Variants in VAV2 observed in about 807,000 individuals in gnomAD.
The protein encoded by VAV2 is vav guanine nucleotide exchange factor 2.
Under a neutral mutation model 132.5 loss-of-function variants are expected in VAV2, and 67 were observed. That is an observed-to-expected ratio of 0.51 (90% CI 0.42 to 0.62). The LOEUF is 0.62. Among genes scored for constraint, VAV2 ranks in the 20% least tolerant of loss-of-function variants. The pLI is 0.00. For synonymous variants in VAV2, 492 were observed against 443.5 expected (o/e 1.11, Z -1.37); for missense variants, 938 against 1,153.6 (o/e 0.81, Z 2.71).
intron 3 of VAV2, 136 bp downstream of exon 3, chr9:133,861,238 G>T: frequency 1.0e-6 from 1 of 975,878 alleles, no homozygotes; most frequent in Non-Finnish European, 1.4e-6. Flanking sequence ...CGGGTTACGC[G>T]ACAACACGCT....
chr9:133,968,852 G>C (rs962669469), intron 1 of VAV2, among the ~76,000 whole-genome samples: 8 of 152,148 alleles, frequency 5.3e-5, no homozygotes, highest in Non-Finnish European at 1.0e-4. Flanking sequence ...AGCGGCTCGC[G>C]ACAGCACAGC....
Position 133,788,538 on chromosome 9 carries a change from C to A in VAV2, c.1275-52G>T. 6.3e-7 allele frequency: 1 copy of A among 1,574,996 alleles called. No homozygotes were observed. The highest frequency in any genetic ancestry group is 8.7e-7 in the Non-Finnish European group (1 of 1,150,656). On this transcript the variant is annotated intron_variant, in intron 14 of 29. Coordinates refer to ENST00000371850, the MANE Select transcript of VAV2 (RefSeq NM_001134398.2). The surrounding 1 kb of genome is among the most constrained non-coding windows in gnomAD (Gnocchi z 5.3). ...CAGCACCCCAGCACTGTGTGCTCTGCTCCGAGGAGGCGGCAGGAGCTGAGC... is the reference window on the plus strand; with the variant it reads ...CAGCACCCCAGCACTGTGTGCTCTGATCCGAGGAGGCGGCAGGAGCTGAGC...
At chr9:133,970,030 A>G (rs747175994) in intron 1 of VAV2, among the ~76,000 whole-genome samples, 11 of 151,440 alleles carry the variant, frequency 7.3e-5, no homozygotes, top group Non-Finnish European at 1.5e-4. Flanking sequence ...GGTGGTCTGC[A>G]CCCCCTGGCC....
intron 2 of VAV2, among the ~76,000 whole-genome samples, chr9:133,903,080 A>C (rs1260193005): frequency 1.4e-5 from 2 of 145,608 alleles, no homozygotes; most frequent in African/African-American, 5.0e-5. Context: ...TGCCCCAGGA[A>C]AAAAAAAAAA....
intron 1 of VAV2, among the ~76,000 whole-genome samples, chr9:133,981,382 G>A (rs570129084): frequency 6.6e-5 from 10 of 152,364 alleles, no homozygotes; most frequent in African/African-American, 2.4e-4. Context: ...GCGGCGAGAG[G>A]GGAGGGGAAG....
At chr9:133,791,088 G>C (rs190630102) in intron 13 of VAV2, among the ~76,000 whole-genome samples, 131 of 152,334 alleles carry the variant, frequency 8.6e-4, no homozygotes, top group African/African-American at 3.1e-3. Context: ...TCCAGCCCCA[G>C]ACGTCAGCAG....
At chr9:133,854,182 G>A (rs567385817) in intron 3 of VAV2, among the ~76,000 whole-genome samples, 1 of 147,612 alleles carries the variant, frequency 6.8e-6, no homozygotes, top group South Asian at 2.2e-4. Context: ...CACACCCCAT[G>A]TACCTGCACA....
At chr9:133,981,767 T>A (rs1316936073) in intron 1 of VAV2, among the ~76,000 whole-genome samples, 1 of 152,134 alleles carries the variant, frequency 6.6e-6, no homozygotes, top group Non-Finnish European at 1.5e-5. Context: ...TCATCGTGTT[T>A]CCAAGCATTT....
At chr9:133,786,343 AGCTCTCCTGTGGGTGCTCTCCTGTGTGT>A (rs56909439) in intron 16 of VAV2, among the ~76,000 whole-genome samples, 22,692 of 151,924 alleles carry the variant, frequency 0.15, 1,811 homozygotes, top group African/African-American at 0.19. Context: ...ATGCTGTGTG[AGCTCTCCTGTGGGTGCTCTCCTGTGTGT>A]GCTCTCCTGT....
intron 2 of VAV2, among the ~76,000 whole-genome samples, chr9:133,938,645 G>A (rs58161545): frequency 0.019 from 2,853 of 152,124 alleles, 90 homozygotes; most frequent in African/African-American, 0.064. Flanking sequence ...CGGGGTAACC[G>A]AGATAATCCA....
At chr9:133,968,422 G>C (rs1346826448) in intron 1 of VAV2, among the ~76,000 whole-genome samples, 1 of 152,124 alleles carries the variant, frequency 6.6e-6, no homozygotes, top group Admixed American at 6.6e-5. Context: ...GGTTGTGGGG[G>C]GGAAAAACAC....
In VAV2 at chr9:133,884,783, G is replaced by A. The variant is rs1294890359; in HGVS notation, c.322-23351C>T. ...AGCTTGACGGCTCCGTGAGAATGCTGGTAGGGAGCAGAACCAAACACCCAG... is the reference window on the plus strand; with the variant it reads ...AGCTTGACGGCTCCGTGAGAATGCTAGTAGGGAGCAGAACCAAACACCCAG... On this transcript the variant is annotated intron_variant, in intron 2 of 29. Transcript: ENST00000371850. This position sits in a 1 kb window ranked among gnomAD's most constrained non-coding sequence, Gnocchi z 5.3. Among the ~76,000 whole-genome samples the A allele has an allele frequency of 6.6e-6, 1 of 152,166 alleles. No homozygotes were observed. Among genetic ancestry groups the A allele is most frequent in the African/African-American group, 2.4e-5 (1 of 41,432 alleles).
Position 133,833,317 on chromosome 9 carries a change from C to A in VAV2, c.449+955G>T, listed in dbSNP as rs1036848182. 1.1e-4 allele frequency among the ~76,000 whole-genome samples: 17 copies of A among 152,170 alleles called. No individual in the cohort carries two copies. Among genetic ancestry groups the A allele is most frequent in the Admixed American group, 2.6e-4 (4 of 15,284 alleles). On this transcript the variant is annotated intron_variant, in intron 4 of 29. Transcript: ENST00000371850. The surrounding 1 kb of genome is among the most constrained non-coding windows in gnomAD (Gnocchi z 5.6). ...GGACAGCCCCAGCATACACAGCAGGCACTCCCATACACGCAGCTCCCCCTC... is the reference window on the plus strand; with the variant it reads ...GGACAGCCCCAGCATACACAGCAGGAACTCCCATACACGCAGCTCCCCCTC...
Position 133,764,072 on chromosome 9 carries a change from C to A in VAV2, c.2627G>T (p.Gly876Val). The A allele has an allele frequency of 1.9e-6, 3 of 1,613,962 alleles. No homozygotes were observed. Among genetic ancestry groups the A allele is most frequent in the Non-Finnish European group, 2.5e-6 (3 of 1,179,960 alleles). ...WFPSTYVEEE[G>V]IQ ...TCCACGTTCCTGCCGTCACTGGATGCCCTCCTCTTCTACGTACGTTGAAGG... is the reference window on the plus strand; with the variant it reads ...TCCACGTTCCTGCCGTCACTGGATGACCTCCTCTTCTACGTACGTTGAAGG... Residue 876 changes from glycine (G) to valine (V), a missense_variant, in exon 30 of 30, where the codon GGC becomes GTC. By Grantham distance (109) the Gly-to-Val change is moderately radical. Coordinates refer to ENST00000371850, the MANE Select transcript of VAV2 (RefSeq NM_001134398.2).
Position 133,918,315 on chromosome 9 carries a change from C to T in VAV2, c.321+20788G>A, listed in dbSNP as rs1192791157. Among the ~76,000 whole-genome samples, 4 of 149,354 alleles carry T rather than the reference C, an allele frequency of 2.7e-5. No individual in the cohort carries two copies. Among genetic ancestry groups the T allele is most frequent in the East Asian group, 4.0e-4 (2 of 4,988 alleles). On this transcript the variant is annotated intron_variant, in intron 2 of 29. Coordinates refer to ENST00000371850, the MANE Select transcript of VAV2 (RefSeq NM_001134398.2). This position sits in a 1 kb window ranked among gnomAD's most constrained non-coding sequence, Gnocchi z 4.7. ...AAAAGCGAACCAGAGAGCAGGAAGGCGGCGCTGGCTCCGAGCCTTGTGTCT... is the reference window on the plus strand; with the variant it reads ...AAAAGCGAACCAGAGAGCAGGAAGGTGGCGCTGGCTCCGAGCCTTGTGTCT...
At chr9:133,871,998 T>C (rs1838074093) in intron 2 of VAV2, among the ~76,000 whole-genome samples, 1 of 152,236 alleles carries the variant, frequency 6.6e-6, no homozygotes, top group African/African-American at 2.4e-5. Flanking sequence ...GAATGAAATG[T>C]TGGGATTCTA....
At chr9:133,913,268 G>A (rs370565457) in intron 2 of VAV2, among the ~76,000 whole-genome samples, 31 of 152,276 alleles carry the variant, frequency 2.0e-4, no homozygotes, top group East Asian at 9.7e-4. Flanking sequence ...TGAGAAGGAC[G>A]ATAAAAACAC....
chr9:133,772,116 G>A (rs537711503), intron 25 of VAV2, 70 bp from the exon 26 acceptor site: 3 of 1,379,920 alleles, frequency 2.2e-6, no homozygotes, highest in East Asian at 2.3e-5. Context: ...TGGCAGCCAG[G>A]CTCATTCTGT....
chr9:133,921,136 G>A (rs1840282351), intron 2 of VAV2, among the ~76,000 whole-genome samples: 1 of 152,206 alleles, frequency 6.6e-6, no homozygotes. Context: ...GAGGGGAGAC[G>A]GCGGGGGATA....
Sources: gnomAD v4.1 joint callset for allele counts (sites outside exome capture counted in the v4.1 genomes callset) on GRCh38, gnomAD v4.1.1 for gene constraint, Gnocchi (gnomAD v3.1) non-coding constraint, MANE v1.5 for transcripts, NCBI Gene and HGNC (gene_info 2026-07-23, HGNC 2026-07-21) for gene names.